The following SORCS3 variants were observed in gnomAD, a reference collection of about 807,000 sequenced individuals.
SORCS3 encodes the protein sortilin related VPS10 domain containing receptor 3.
In SORCS3, 57 loss-of-function variants were observed where a neutral mutation model predicts 146.3. The observed-to-expected ratio is 0.39, with a 90% confidence interval of 0.31 to 0.49. The LOEUF (loss-of-function observed/expected upper bound fraction) is 0.49. SORCS3 is among the 20% of genes least tolerant of loss of function. The pLI, the probability that SORCS3 is intolerant of heterozygous loss-of-function variation, is 0.92. For missense variants in SORCS3, 1,341 were observed against 1,575.5 expected, an observed-to-expected ratio of 0.85 and a Z score of 2.52; for synonymous variants, 653 against 618.5, an observed-to-expected ratio of 1.06 and a Z score of -0.83.
chr10:104,649,481 T>C (rs2015533617), intron 1 of SORCS3, among the ~76,000 whole-genome samples: 1 of 152,210 alleles, frequency 6.6e-6, no homozygotes, highest in Admixed American at 6.5e-5. Flanking sequence ...GAAGGGGCCT[T>C]CCCTTAATTT....
At chr10:104,658,085 C>T (rs1418782303) in intron 1 of SORCS3, among the ~76,000 whole-genome samples, 1 of 152,152 alleles carries the variant, frequency 6.6e-6, no homozygotes, top group Non-Finnish European at 1.5e-5. Context: ...TTTCTCCCTT[C>T]TGGTTTTGTT....
intron 1 of SORCS3, among the ~76,000 whole-genome samples, chr10:104,673,457 T>C (rs2015880116): frequency 6.6e-6 from 1 of 151,682 alleles, no homozygotes; most frequent in South Asian, 2.1e-4. Flanking sequence ...TATTTTTTGA[T>C]GTTGTTGTTT....
chr10:105,168,396 G>A (rs2056332618), intron 13 of SORCS3, among the ~76,000 whole-genome samples: 1 of 152,160 alleles, frequency 6.6e-6, no homozygotes, highest in African/African-American at 2.4e-5. Flanking sequence ...GTTTTTGGAA[G>A]GGAATGGATG....
intron 2 of SORCS3, among the ~76,000 whole-genome samples, chr10:104,893,348 G>A (rs2018767560): frequency 6.6e-6 from 1 of 152,192 alleles, no homozygotes; most frequent in African/African-American, 2.4e-5. Flanking sequence ...CGGTCTCCCA[G>A]GCATCGCCAT....
intron 11 of SORCS3, among the ~76,000 whole-genome samples, chr10:105,161,127 T>C (rs117692592): frequency 0.014 from 2,160 of 152,326 alleles, 32 homozygotes; most frequent in Non-Finnish European, 0.019. Context: ...TGTATCAGAA[T>C]TGCTAATTTC....
chr10:105,037,568 A>G (rs966813411), intron 4 of SORCS3, among the ~76,000 whole-genome samples: 9 of 152,086 alleles, frequency 5.9e-5, no homozygotes, highest in African/African-American at 1.9e-4. Flanking sequence ...CTAATCCTCC[A>G]TCTTCTCATG....
In SORCS3 at chr10:105,159,685, G is replaced by A. The variant is rs139412118; in HGVS notation, c.1732+691G>A. Among the ~76,000 whole-genome samples the A allele has an allele frequency of 6.2e-4, 94 of 152,296 alleles. 1 individual carries two copies. The highest frequency in any genetic ancestry group is 2.2e-3 in the African/African-American group (90 of 41,560). On this transcript the variant is annotated intron_variant, in intron 11 of 26. Transcript: ENST00000369701. Reference sequence around the variant, plus strand: ...TGCTAATCTTAGAAGTTAGAGCTCCGGTGTTGGTCAGCTTATTTTTCTAAT... The same window carrying A: ...TGCTAATCTTAGAAGTTAGAGCTCCAGTGTTGGTCAGCTTATTTTTCTAAT...
intron 2 of SORCS3, among the ~76,000 whole-genome samples, chr10:104,870,831 C>T (rs902772467): frequency 4.6e-5 from 7 of 152,290 alleles, no homozygotes; most frequent in South Asian, 2.1e-4. Flanking sequence ...GTGTCCCTCT[C>T]GGAAGGAATT....
intron 7 of SORCS3, among the ~76,000 whole-genome samples, chr10:105,129,331 C>CTCTCTCTCT (rs1172062304): frequency 9.6e-6 from 1 of 104,632 alleles, no homozygotes; most frequent in African/African-American, 3.9e-5. Context: ...CTTTCTTTCT[C>CTCTCTCTCT]TTTTTTTTTT....
At chr10:105,060,554 A>T (rs1156229474) in intron 5 of SORCS3, among the ~76,000 whole-genome samples, 1 of 152,196 alleles carries the variant, frequency 6.6e-6, no homozygotes, top group Admixed American at 6.5e-5. Context: ...GAGGTGGCCA[A>T]TTAAAAGGCT....
intron 1 of SORCS3, among the ~76,000 whole-genome samples, chr10:104,722,034 G>C (rs1248127328): frequency 1.3e-5 from 2 of 152,200 alleles, no homozygotes; most frequent in Non-Finnish European, 2.9e-5. Flanking sequence ...AGTGATGAGA[G>C]GGGGCATCCC....
At chr10:105,069,727 G>C (rs1405958010) in intron 5 of SORCS3, among the ~76,000 whole-genome samples, 1 of 152,138 alleles carries the variant, frequency 6.6e-6, no homozygotes, top group Non-Finnish European at 1.5e-5. Flanking sequence ...TTCCAGCAGG[G>C]AGCCTTTGAA....
intron 13 of SORCS3, among the ~76,000 whole-genome samples, chr10:105,174,758 T>A (rs1446700535): frequency 6.6e-6 from 1 of 152,120 alleles, no homozygotes; most frequent in Non-Finnish European, 1.5e-5. Context: ...CTCTTTCCTC[T>A]AGCAGGCATT....
intron 4 of SORCS3, among the ~76,000 whole-genome samples, chr10:105,003,065 A>C (rs2055071611): frequency 6.6e-6 from 1 of 152,268 alleles, no homozygotes; most frequent in Non-Finnish European, 1.5e-5. Flanking sequence ...CTGGGAAGTA[A>C]ACCCTGACAG....
intron 7 of SORCS3, among the ~76,000 whole-genome samples, chr10:105,127,533 G>T (rs190268891): frequency 2.0e-5 from 3 of 152,202 alleles, no homozygotes; most frequent in Admixed American, 2.0e-4. Flanking sequence ...CACCTGCAGG[G>T]TTGTGCTCAG....
chr10:105,050,774 C>T (rs2055405075), intron 5 of SORCS3, among the ~76,000 whole-genome samples: 1 of 152,100 alleles, frequency 6.6e-6, no homozygotes, highest in Non-Finnish European at 1.5e-5. Context: ...TTTCTCTGAT[C>T]CTTATTCTTT....
rs1181492875 is a variant in SORCS3 at position 105,201,179 on chromosome 10, G to A, written c.2187G>A (p.Gln729=). The A allele has an allele frequency of 1.9e-6, 3 of 1,612,590 alleles. No individual in the cohort carries two copies. Among genetic ancestry groups the A allele is most frequent in the Non-Finnish European group, 1.7e-6 (2 of 1,179,324 alleles). The change falls in exon 16 of 27, where the codon CAG becomes CAA. Residue 729 remains glutamine (Q), a synonymous_variant. Transcript: ENST00000369701. The part of the protein sequence containing the change: ...KIFKKRKPGA[Q]CALGRDHSGS... ...TCAAGAAACGTAAGCCAGGAGCTCA[G>A]TGTGCCCTGGGCCGAGACCACTCAG...
intron 3 of SORCS3, among the ~76,000 whole-genome samples, chr10:104,944,409 T>C (rs1370337012): frequency 1.3e-5 from 2 of 152,208 alleles, no homozygotes; most frequent in African/African-American, 4.8e-5. Context: ...AAGCATTATA[T>C]AAGAGTGAAA....
intron 1 of SORCS3, among the ~76,000 whole-genome samples, chr10:104,741,707 T>G (rs2016845876): frequency 1.0e-5 from 1 of 98,820 alleles, no homozygotes; most frequent in Non-Finnish European, 2.1e-5. Context: ...TGGGTTTTTT[T>G]TTTTTTTTTT....
Sources: allele counts gnomAD v4.1 joint callset (sites outside exome capture counted in the v4.1 genomes callset), GRCh38; gene constraint gnomAD v4.1.1; transcripts MANE v1.5; gene names NCBI Gene and HGNC (gene_info 2026-07-23, HGNC 2026-07-21).